LSM10: variants seen among roughly 807,000 people sequenced by gnomAD.
The protein encoded by LSM10 is U7 snRNA-associated Sm-like protein LSm10.
LSM10 carries 4 observed loss-of-function variants against 5.2 expected under a neutral mutation model. The observed-to-expected ratio is 0.77, with a 90% CI of 0.38 to 1.77. The LOEUF is 1.77. Among genes scored for constraint, LSM10 ranks in the 40% most tolerant of loss-of-function variants. LSM10 has a pLI of 0.04. For synonymous variants in LSM10, 63 were observed against 67.4 expected (o/e 0.94, Z 0.32); for missense variants, 150 against 171.6 (o/e 0.87, Z 0.70).
rs1647137746 is a variant in LSM10 at position 36,393,716 on chromosome 1, C to A, written c.*42G>T. 6 of 1,603,646 alleles carry A rather than the reference C, an allele frequency of 3.7e-6. No individual in the cohort carries two copies. Among genetic ancestry groups the A allele is most frequent in the Non-Finnish European group, 5.1e-6 (6 of 1,174,310 alleles). On this transcript the variant is annotated 3_prime_UTR_variant, in exon 2 of 2. Transcript: ENST00000315732. ...AGGGCAGGGAACTAGCTCCGGAGAT[C>A]ACTGGAGGACTCCGAGTTGGGGCCA...
intron 1 of LSM10, among the ~76,000 whole-genome samples, chr1:36,395,675 G>C (rs571797508): frequency 2.0e-5 from 3 of 152,080 alleles, no homozygotes; most frequent in South Asian, 4.2e-4. Context: ...CTGCTCCGGA[G>C]GTTGAGGCAG....
At chr1:36,397,628 G>A (rs532691169) in intron 1 of LSM10, 139 bp downstream of exon 1, 4 of 152,352 alleles carry the variant, frequency 2.6e-5, no homozygotes, top group Admixed American at 1.3e-4. Context: ...TCAGAGCAGC[G>A]GGAGCGGGTC....
Position 36,394,169 on chromosome 1 carries a change from C to T in LSM10, c.-24-16G>A. The T allele has an allele frequency of 1.3e-6, 2 of 1,584,026 alleles. No homozygotes were observed. The highest frequency in any genetic ancestry group is 8.6e-7 in the Non-Finnish European group (1 of 1,165,748). On this transcript the variant is annotated splice_polypyrimidine_tract_variant and intron_variant, in intron 1 of 1. Coordinates refer to ENST00000315732, the MANE Select transcript of LSM10 (RefSeq NM_032881.3). ...TGCCTGCTTGCTGTGGACAGGAGCACACAGATGGCAGCTATAGCAGGGTAG... is the reference window on the plus strand; with the variant it reads ...TGCCTGCTTGCTGTGGACAGGAGCATACAGATGGCAGCTATAGCAGGGTAG...
Position 36,397,471 on chromosome 1 carries a change from G to A in LSM10, c.-25+296C>T, listed in dbSNP as rs954178658. On this transcript the variant is annotated intron_variant, in intron 1 of 1. Transcript: ENST00000315732. ...AGCAAAGGTATGGGGCTGCTGCTGC[G>A]ACTGCAAAGAGCAGTCACCGGACCT... is the stretch of plus-strand genomic sequence containing the variant. 4 of 152,298 alleles carry A rather than the reference G, an allele frequency of 2.6e-5. No individual in the cohort carries two copies. In the East Asian group the frequency reaches 7.7e-4, roughly 29 times the overall value. 9.4% of individuals were successfully genotyped at this position (152,298 alleles called of 1,614,324 possible).
In LSM10 at chr1:36,393,901, G is replaced by A. The variant is rs745379556; in HGVS notation, c.229C>T (p.Arg77Cys). The change falls in exon 2 of 2, where the codon CGC becomes TGC. Residue 77 changes from arginine (R) to cysteine (C), a missense_variant. Coordinates refer to ENST00000315732, the MANE Select transcript of LSM10 (RefSeq NM_032881.3). ...VKLDDLFVTG[R>C]NVRYVHIPDD... Reference sequence around the variant, plus strand: ...GGGATGTGGACGTAGCGGACATTGCGGCCTGTCACAAAGAGGTCATCCAGC... The same window carrying A: ...GGGATGTGGACGTAGCGGACATTGCAGCCTGTCACAAAGAGGTCATCCAGC... The A allele has an allele frequency of 4.3e-6, 7 of 1,614,132 alleles. No individual in the cohort carries two copies. Among genetic ancestry groups the A allele is most frequent in the Admixed American group, 1.7e-5 (1 of 60,006 alleles).
chr1:36,394,208 C>T, intron 1 of LSM10, 55 bp from the exon 2 acceptor site: 1 of 1,498,030 alleles, frequency 6.7e-7, no homozygotes, highest in Non-Finnish European at 8.9e-7. Context: ...GTACAGTTGC[C>T]AACTCACCTC....
Position 36,394,149 on chromosome 1 carries a change from G to C in LSM10, c.-20C>G, listed in dbSNP as rs1421539756. ...CGCCATTCTTCCACACCAGCTGCCT[G>C]CTTGCTGTGGACAGGAGCACACAGA... On this transcript the variant is annotated 5_prime_UTR_variant, in exon 2 of 2. Coordinates refer to ENST00000315732, the MANE Select transcript of LSM10 (RefSeq NM_032881.3). 19 of 1,599,896 alleles carry C rather than the reference G, an allele frequency of 1.2e-5. No individual in the cohort carries two copies. Among genetic ancestry groups the C allele is most frequent in the Non-Finnish European group, 1.6e-5 (19 of 1,173,696 alleles).
chr1:36,394,199 T>A, intron 1 of LSM10, 46 bp from the exon 2 acceptor site: 1 of 1,531,612 alleles, frequency 6.5e-7, no homozygotes, highest in African/African-American at 1.4e-5. Context: ...GGGTAGGGGG[T>A]ACAGTTGCCA....
Position 36,393,753 on chromosome 1 carries a change from G to A in LSM10, c.*5C>T, listed in dbSNP as rs769307310. 6 of 1,613,262 alleles carry A rather than the reference G, an allele frequency of 3.7e-6. No individual in the cohort carries two copies. Among genetic ancestry groups the A allele is most frequent in the South Asian group, 1.1e-5 (1 of 91,042 alleles). ...CCGAGTTGGGGCCAGGGCTTGCTGA[G>A]GGCCTCACTTACAGTTTTTTGGGGG... is the stretch of plus-strand genomic sequence containing the variant. On this transcript the variant is annotated 3_prime_UTR_variant, in exon 2 of 2. Coordinates refer to ENST00000315732, the MANE Select transcript of LSM10 (RefSeq NM_032881.3).
rs1248751449 is a variant in LSM10 at position 36,397,770 on chromosome 1, G to A, written c.-28C>T. The stretch of plus-strand genomic sequence containing the variant: ...TGCACCGCCGACCCGGACCCACCAC[G>A]CGACATTCCTTCCGCTTTCCCCGTC... On this transcript the variant is annotated 5_prime_UTR_variant, in exon 1 of 2. Coordinates refer to ENST00000315732, the MANE Select transcript of LSM10 (RefSeq NM_032881.3). 3.3e-5 allele frequency: 5 copies of A among 152,226 alleles called. No individual in the cohort carries two copies. The highest frequency in any genetic ancestry group is 2.1e-4 in the South Asian group (1 of 4,822). 9.4% of individuals were successfully genotyped at this position (152,226 alleles called of 1,614,324 possible). A position where few individuals can be genotyped will look rare whatever the true frequency, so the allele number is the denominator to read the frequency against.
rs750717095 is a variant in LSM10, at chr1:36,393,803, G to T, written c.327C>A (p.Gly109=). The T allele has an allele frequency of 3.7e-6, 6 of 1,614,232 alleles. No homozygotes were observed. The change falls in exon 2 of 2, where the codon GGC becomes GGA. Residue 109 remains glycine, a synonymous_variant. Coordinates refer to ENST00000315732, the MANE Select transcript of LSM10 (RefSeq NM_032881.3). ...GAAATTCCCACCGGCCTTGGCCCTT[G>T]CCACCAAAGTTTCGCACCCGATGGA... The part of the protein sequence containing the change: ...QIIHRVRNFG[G]KGQGRWEFPP...
At position 36,393,671 on chromosome 1, in the gene LSM10, C is replaced by G; in HGVS notation, c.*87G>C. ...TTCTGGCCTGGCCCTGCTTTCTTCT[C>G]GGGTACCAGACAGGGTGTGAGGGCA... On this transcript the variant is annotated 3_prime_UTR_variant, in exon 2 of 2. Transcript: ENST00000315732. 2 of 1,543,764 alleles carry G rather than the reference C, an allele frequency of 1.3e-6. No homozygotes were observed. The highest frequency in any genetic ancestry group is 1.4e-5 in the African/African-American group (1 of 73,590).
In LSM10 at chr1:36,394,079, C is replaced by G. The variant is rs1329361481; in HGVS notation, c.51G>C (p.Leu17=). The part of the protein sequence containing the change: ...VKERTISENS[L]IILLQGLQGR... The stretch of plus-strand genomic sequence containing the variant: ...CCTGGAGGCCCTGCAGTAGGATGAT[C>G]AGGCTGTTCTCAGAGATGGTCCGCT... Residue 17 remains leucine, a synonymous_variant, in exon 2 of 2, where the codon CTG becomes CTC. Coordinates refer to ENST00000315732, the MANE Select transcript of LSM10 (RefSeq NM_032881.3). 9.3e-6 allele frequency: 15 copies of G among 1,614,094 alleles called. No individual in the cohort carries two copies. Among genetic ancestry groups the G allele is most frequent in the Non-Finnish European group, 1.3e-5 (15 of 1,180,030 alleles).
At chr1:36,394,480 C>G (rs1004393676) in intron 1 of LSM10, among the ~76,000 whole-genome samples, 5 of 152,092 alleles carry the variant, frequency 3.3e-5, no homozygotes, top group African/African-American at 1.2e-4. Context: ...GCTTGGGCAA[C>G]ATAGCAAGAC....
At chr1:36,394,528 T>C (rs2124761582) in intron 1 of LSM10, among the ~76,000 whole-genome samples, 1 of 152,140 alleles carries the variant, frequency 6.6e-6, no homozygotes, top group South Asian at 2.1e-4. Flanking sequence ...ACAAGAAGGC[T>C]GGGCATGGTG....
In LSM10 at chr1:36,393,677, C is replaced by A; in HGVS notation, c.*81G>T. On this transcript the variant is annotated 3_prime_UTR_variant, in exon 2 of 2. Coordinates refer to ENST00000315732, the MANE Select transcript of LSM10 (RefSeq NM_032881.3). ...CCTGGCCCTGCTTTCTTCTCGGGTA[C>A]CAGACAGGGTGTGAGGGCAGGGAAC... The A allele has an allele frequency of 6.4e-7, 1 of 1,555,900 alleles. No individual in the cohort carries two copies. The highest frequency in any genetic ancestry group is 8.7e-7 in the Non-Finnish European group (1 of 1,145,416).
At chr1:36,396,302 C>T (rs1329663773) in intron 1 of LSM10, among the ~76,000 whole-genome samples, 1 of 151,306 alleles carries the variant, frequency 6.6e-6, no homozygotes, top group Non-Finnish European at 1.5e-5. Flanking sequence ...TAGAAATGCG[C>T]AATCTCAGGT....
intron 1 of LSM10, among the ~76,000 whole-genome samples, chr1:36,395,996 C>T (rs1255843354): frequency 4.0e-5 from 6 of 151,544 alleles, no homozygotes; most frequent in African/African-American, 4.8e-5. Flanking sequence ...CCGAGGCGGG[C>T]GGATCATGAG....
At chr1:36,396,392 A>G (rs884925) in intron 1 of LSM10, among the ~76,000 whole-genome samples, 42,819 of 152,168 alleles carry the variant, frequency 0.28, 6,770 homozygotes, top group Middle Eastern at 0.41. Context: ...GGCTGGAAAC[A>G]GACTGCATTT....
Sources: gnomAD v4.1 joint callset for allele counts (sites outside exome capture counted in the v4.1 genomes callset) on GRCh38, gnomAD v4.1.1 for gene constraint, MANE v1.5 for transcripts, NCBI Gene and HGNC (gene_info 2026-07-23, HGNC 2026-07-21) for gene names.